The following GPR83 variants were observed in gnomAD, a reference collection of about 807,000 sequenced individuals.
The protein encoded by GPR83 is G-protein coupled receptor 72.
In GPR83, 23 loss-of-function variants were observed where a neutral mutation model predicts 28.0. The ratio of observed to expected loss-of-function variants is 0.82; its 90% confidence interval spans 0.59 to 1.16. GPR83 has a LOEUF of 1.16. Ranked by LOEUF, GPR83 falls within the 50% of genes most tolerant of loss-of-function variation. The pLI, the probability that GPR83 is intolerant of heterozygous loss-of-function variation, is 0.00. For missense variants in GPR83, 610 were observed against 536.6 expected (o/e 1.14, Z -1.35); for synonymous variants, 234 against 215.4 (o/e 1.09, Z -0.76).
chr11:94,401,043 T>C lies in GPR83; in HGVS notation c.205A>G (p.Thr69Ala). 2 of 1,614,120 alleles carry C rather than the reference T, an allele frequency of 1.2e-6. No individual in the cohort carries two copies. Among genetic ancestry groups the C allele is most frequent in the Non-Finnish European group, 1.7e-6 (2 of 1,179,964 alleles). The change falls in exon 1 of 4, where the codon ACG becomes GCG. Residue 69 changes from threonine (T) to alanine (A), a missense_variant. By Grantham distance (58) the Thr-to-Ala change is moderately conservative (BLOSUM62 0). Transcript: ENST00000243673. ...GCCACAATGAGCAGGGCTTTCACCG[T>C]GGGGTTCTGGGACTCAGCGCCGTAG... ...RRYGAESQNP[T>A]VKALLIVAYS... is the part of the protein sequence containing the mutation.
At position 94,396,482 on chromosome 11, in the gene GPR83, A is replaced by C; in HGVS notation, c.430T>G (p.Cys144Gly). 5 of 1,614,124 alleles carry C rather than the reference A, an allele frequency of 3.1e-6. No homozygotes were observed. The highest frequency in any genetic ancestry group is 3.4e-6 in the Non-Finnish European group (4 of 1,179,946). ...NSTWIFGKGMCHVSRFAQYCS... is the reference protein window; with the variant it reads ...NSTWIFGKGMGHVSRFAQYCS... ...TACTGGGCAAAGCGGCTGACATGGC[A>C]CATGCCCTTCCCAAATATCCATGTG... Residue 144 changes from cysteine (C) to glycine (G), a missense_variant, in exon 2 of 4, where the codon TGC (cysteine) becomes GGC (glycine). Coordinates refer to ENST00000243673, the MANE Select transcript of GPR83 (RefSeq NM_016540.4).
chr11:94,387,527 C>T (rs762849589), intron 3 of GPR83, among the ~76,000 whole-genome samples: 1 of 152,144 alleles, frequency 6.6e-6, no homozygotes, highest in African/African-American at 2.4e-5. Context: ...ATACAAACTA[C>T]CATCAGAGAA....
rs1032901789 is a variant in GPR83 at position 94,377,708 on chromosome 11, G to C, written c.*2441C>G. 65 of 152,242 alleles carry C rather than the reference G, an allele frequency of 4.3e-4. No homozygotes were observed. The highest frequency in any genetic ancestry group is 1.5e-3 in the African/African-American group (62 of 41,462). 9.4% of individuals were successfully genotyped at this position (152,242 alleles called of 1,614,324 possible). The stretch of plus-strand genomic sequence containing the variant: ...TGAGATATTCCATACTTCATTAGAA[G>C]ATAGGCTTTGTGTTAAATGATTTTT... On this transcript the variant is annotated 3_prime_UTR_variant, in exon 4 of 4. Transcript: ENST00000243673.
rs777912344 is a variant in GPR83 at position 94,400,845 on chromosome 11, G to A, written c.387+16C>T. The A allele has an allele frequency of 1.7e-5, 28 of 1,609,552 alleles. No homozygotes were observed. The highest frequency in any genetic ancestry group is 2.4e-5 in the Non-Finnish European group (28 of 1,177,002). On this transcript the variant is annotated intron_variant, in intron 1 of 3. Coordinates refer to ENST00000243673, the MANE Select transcript of GPR83 (RefSeq NM_016540.4). ...ACGAAGACAGAAGGTGGGGCGGCAG[G>A]CAGCGGGCCCCTTACCAAAGTGAAG...
intron 3 of GPR83, among the ~76,000 whole-genome samples, chr11:94,389,486 A>C (rs1329726519): frequency 6.6e-6 from 1 of 151,798 alleles, no homozygotes; most frequent in African/African-American, 2.4e-5. Context: ...AAGAAAAATC[A>C]ACCCCATCAA....
intron 3 of GPR83, among the ~76,000 whole-genome samples, chr11:94,383,822 G>C (rs1478617716): frequency 1.3e-5 from 2 of 152,150 alleles, no homozygotes; most frequent in African/African-American, 2.4e-5. Flanking sequence ...AACAAGTTCT[G>C]AAATTGAGGC....
rs946797320 is a variant in GPR83 at position 94,401,340 on chromosome 11, C to A, written c.-93G>T. On this transcript the variant is annotated 5_prime_UTR_variant, in exon 1 of 4. It removes an upstream start codon present in the reference 5' UTR. Transcript: ENST00000243673. ...CGCAGCCGGGGTGCGGGGCGCACAGCATACAAGGCCGTCCCGAGGAGCCAG... is the reference window on the plus strand; with the variant it reads ...CGCAGCCGGGGTGCGGGGCGCACAGAATACAAGGCCGTCCCGAGGAGCCAG... The A allele has an allele frequency of 3.1e-6, 4 of 1,272,092 alleles. No individual in the cohort carries two copies. In the African/African-American group the frequency reaches 6.1e-5, roughly 19 times the overall value. 78.8% of individuals were successfully genotyped at this position (1,272,092 alleles called of 1,614,324 possible). A position where few individuals can be genotyped will look rare whatever the true frequency, so the allele number is the denominator to read the frequency against.
chr11:94,399,575 A>G (rs978196585), intron 1 of GPR83, among the ~76,000 whole-genome samples: 1 of 152,160 alleles, frequency 6.6e-6, no homozygotes, highest in Non-Finnish European at 1.5e-5. Context: ...TGAGAAAGAG[A>G]ATGTGAGGGT....
At chr11:94,381,801 C>T (rs1944693277) in intron 3 of GPR83, among the ~76,000 whole-genome samples, 1 of 152,122 alleles carries the variant, frequency 6.6e-6, no homozygotes, top group South Asian at 2.1e-4. Flanking sequence ...TAATAAAAGA[C>T]TGAGAGACGG....
At chr11:94,394,628 C>CT (rs1944848970) in intron 2 of GPR83, among the ~76,000 whole-genome samples, 1 of 151,942 alleles carries the variant, frequency 6.6e-6, no homozygotes, top group African/African-American at 2.4e-5. Flanking sequence ...GTGTCTCGAG[C>CT]TTTTTTTTAA....
At chr11:94,398,109 G>A (rs918299545) in intron 1 of GPR83, among the ~76,000 whole-genome samples, 3 of 152,114 alleles carry the variant, frequency 2.0e-5, no homozygotes, top group South Asian at 2.1e-4. Context: ...TGGGCCTTGT[G>A]GGGTACCCCA....
rs748975714 is a variant in GPR83, at chr11:94,400,965, C to T, written c.283G>A (p.Val95Ile). 6.8e-6 allele frequency: 11 copies of T among 1,614,100 alleles called. No homozygotes were observed. Among genetic ancestry groups the T allele is most frequent in the Non-Finnish European group, 9.3e-6 (11 of 1,179,950 alleles). Reference protein sequence around the residue: ...SLFGNVLVCHVIFKNQRMHSA... With the variant: ...SLFGNVLVCHIIFKNQRMHSA... ...TGCATTCGCTGGTTCTTGAAGATGA[C>T]ATGACAGACCAGGACGTTGCCAAAG... The change falls in exon 1 of 4, where the codon GTC becomes ATC. Residue 95 changes from valine to isoleucine, a missense_variant. Val to Ile is a conservative substitution (Grantham distance 29, BLOSUM62 3). Coordinates refer to ENST00000243673, the MANE Select transcript of GPR83 (RefSeq NM_016540.4).
rs764054129 is a variant in GPR83 at position 94,393,434 on chromosome 11, A to C, written c.647+51T>G. 10 of 1,588,442 alleles carry C rather than the reference A, an allele frequency of 6.3e-6. No individual in the cohort carries two copies. In the East Asian group the frequency reaches 1.6e-4, roughly 25 times the overall value. ...CTCAGGTATCCCTTGGTGGAGCCTGACTCAGGAGAAGACACAAGTCCCCAG... is the reference window on the plus strand; with the variant it reads ...CTCAGGTATCCCTTGGTGGAGCCTGCCTCAGGAGAAGACACAAGTCCCCAG... On this transcript the variant is annotated intron_variant, in intron 3 of 3. Transcript: ENST00000243673.
In GPR83 at chr11:94,391,147, C is replaced by A. The variant is rs143896715; in HGVS notation, c.647+2338G>T. 4.9e-3 allele frequency among the ~76,000 whole-genome samples: 750 copies of A among 152,264 alleles called. 5 individuals are homozygous for A. Among genetic ancestry groups the A allele is most frequent in the Non-Finnish European group, 8.5e-3 (579 of 68,026 alleles). ...AGAGATATAGACCAATGGAATGGAACAGAGCCCTCAGAAATAACACCACAC... is the reference window on the plus strand; with the variant it reads ...AGAGATATAGACCAATGGAATGGAAAAGAGCCCTCAGAAATAACACCACAC... On this transcript the variant is annotated intron_variant, in intron 3 of 3. Transcript: ENST00000243673.
rs1181336957 is a variant in GPR83, at chr11:94,388,262, C to A, written c.647+5223G>T. Among the ~76,000 whole-genome samples, 13 of 152,288 alleles carry A rather than the reference C, an allele frequency of 8.5e-5. 1 individual carries two copies. The East Asian group carries it at 2.5e-3, about 29-fold the overall frequency. ...GAAGCATTCCCTTTGAAAACTGGCA[C>A]AAGACAGGCATGCCCTCTCTCACCA... On this transcript the variant is annotated intron_variant, in intron 3 of 3. Coordinates refer to ENST00000243673, the MANE Select transcript of GPR83 (RefSeq NM_016540.4).
chr11:94,386,227 C>G (rs540825198), intron 3 of GPR83, among the ~76,000 whole-genome samples: 1 of 152,232 alleles, frequency 6.6e-6, no homozygotes, highest in Admixed American at 6.5e-5. Flanking sequence ...ACAACTGGTA[C>G]CAGCCAATGC....
chr11:94,394,915 A>T (rs1944851983), intron 2 of GPR83, among the ~76,000 whole-genome samples: 1 of 152,192 alleles, frequency 6.6e-6, no homozygotes, highest in Non-Finnish European at 1.5e-5. Context: ...GCCCATGGTC[A>T]ATGCTCAGTT....
chr11:94,390,155 C>G (rs1166931233), intron 3 of GPR83, among the ~76,000 whole-genome samples: 2 of 151,458 alleles, frequency 1.3e-5, no homozygotes, highest in Admixed American at 6.6e-5. Context: ...GAATATCACA[C>G]ACTGGGGACT....
In GPR83 at chr11:94,381,996, A is replaced by G. The variant is rs577905319; in HGVS notation, c.648-1223T>C. On this transcript the variant is annotated intron_variant, in intron 3 of 3. Transcript: ENST00000243673. The stretch of plus-strand genomic sequence containing the variant: ...CATTGCTCCTGGGAGCACTGCCTCA[A>G]TTAGCCACTTGTAGGTGTACCTGCC... 2.0e-4 allele frequency among the ~76,000 whole-genome samples: 30 copies of G among 152,176 alleles called. No individual in the cohort carries two copies. In the East Asian group the frequency reaches 4.8e-3, roughly 25 times the overall value.
Sources: allele counts gnomAD v4.1 joint callset (sites outside exome capture counted in the v4.1 genomes callset), GRCh38; gene constraint gnomAD v4.1.1; transcripts MANE v1.5; gene names NCBI Gene and HGNC (gene_info 2026-07-23, HGNC 2026-07-21).